Variants in ITCH observed in about 807,000 individuals in gnomAD.
The protein encoded by ITCH is itchy E3 ubiquitin protein ligase, also known as E3 ubiquitin-protein ligase Itchy homolog.
A neutral mutation model predicts 126.8 loss-of-function variants in ITCH; 28 were observed. The observed-to-expected ratio is 0.22, with a 90% confidence interval of 0.16 to 0.30. ITCH has a LOEUF of 0.30. Ranked by LOEUF, ITCH falls within the 10% of genes least tolerant of loss-of-function variation. ITCH has a pLI of 1.00. For synonymous variants in ITCH, 342 were observed against 340.0 expected, an observed-to-expected ratio of 1.01 and a Z score of -0.06; for missense variants, 631 against 1,032.4, an observed-to-expected ratio of 0.61 and a Z score of 5.33.
At chr20:34,387,194 T>C (rs2038313872) in intron 2 of ITCH, among the ~76,000 whole-genome samples, 1 of 151,184 alleles carries the variant, frequency 6.6e-6, no homozygotes, top group Admixed American at 6.6e-5. Flanking sequence ...TCCCAGCTAC[T>C]AGGGAGGCTG....
chr20:34,495,097 CAAAAAA>C (rs71194611), intron 23 of ITCH, among the ~76,000 whole-genome samples: 1 of 110,382 alleles, frequency 9.1e-6, no homozygotes, highest in East Asian at 2.6e-4. Context: ...ACGAAAAATA[CAAAAAA>C]AAAAAAAAAA....
At chr20:34,427,117 C>G (rs1981642785) in intron 7 of ITCH, among the ~76,000 whole-genome samples, 2 of 152,170 alleles carry the variant, frequency 1.3e-5, no homozygotes, top group Non-Finnish European at 2.9e-5. Context: ...GACAACTCAT[C>G]AAGATCTTTA....
At chr20:34,408,985 G>C (rs1203159657) in intron 4 of ITCH, among the ~76,000 whole-genome samples, 193 bp downstream of exon 4, 2 of 143,090 alleles carry the variant, frequency 1.4e-5, no homozygotes, top group African/African-American at 5.2e-5. Flanking sequence ...TGTTTTTATA[G>C]TCACTCCCTT....
chr20:34,414,410 T>C (rs1158632623), intron 6 of ITCH, among the ~76,000 whole-genome samples: 1 of 131,668 alleles, frequency 7.6e-6, no homozygotes, highest in Non-Finnish European at 1.6e-5. Flanking sequence ...AGACAGAGTT[T>C]ATTGTCTGTA....
chr20:34,442,558 G>A (rs890871722), intron 10 of ITCH, among the ~76,000 whole-genome samples: 15 of 151,776 alleles, frequency 9.9e-5, no homozygotes, highest in African/African-American at 3.1e-4. Context: ...TCGCTATGTC[G>A]CCCAGGCTGG....
At chr20:34,481,447 T>C (rs1402493072) in intron 20 of ITCH, among the ~76,000 whole-genome samples, 1 of 152,238 alleles carries the variant, frequency 6.6e-6, no homozygotes, top group Non-Finnish European at 1.5e-5. Context: ...ATCACTATGC[T>C]GTATAACATG....
chr20:34,443,733 C>T (rs922620243), intron 10 of ITCH, among the ~76,000 whole-genome samples: 8 of 152,086 alleles, frequency 5.3e-5, no homozygotes, highest in African/African-American at 1.7e-4. Context: ...GCCTGAAATC[C>T]TAGCACTTTG....
At chr20:34,471,591 C>A (rs1402858066) in intron 16 of ITCH, 76 bp downstream of exon 16, 14 of 918,198 alleles carry the variant, frequency 1.5e-5, no homozygotes, top group Non-Finnish European at 2.5e-5. Flanking sequence ...TCAGTTTAAT[C>A]TGAATGGTTT....
chr20:34,379,715 C>T (rs1184657231), intron 2 of ITCH, among the ~76,000 whole-genome samples: 2 of 151,324 alleles, frequency 1.3e-5, no homozygotes, highest in East Asian at 1.9e-4. Context: ...CTGCCTCAGC[C>T]TCCCAAGTAG....
At chr20:34,418,382 CT>C (rs1980246599) in intron 6 of ITCH, among the ~76,000 whole-genome samples, 1 of 152,044 alleles carries the variant, frequency 6.6e-6, no homozygotes, top group African/African-American at 2.4e-5. Context: ...GAATATGTGA[CT>C]TCTGGTTCTT....
intron 23 of ITCH, among the ~76,000 whole-genome samples, chr20:34,498,939 C>T (rs1990060276): frequency 1.3e-5 from 2 of 151,148 alleles, no homozygotes; most frequent in African/African-American, 4.8e-5. Context: ...GTTAGAATTC[C>T]ATTGGTTCCT....
intron 11 of ITCH, 78 bp downstream of exon 11, chr20:34,445,539 T>A: frequency 6.9e-7 from 1 of 1,453,224 alleles, no homozygotes; most frequent in Non-Finnish European, 9.6e-7. Context: ...TGGAAAGCAC[T>A]AAAAAGAAGG....
chr20:34,371,839 T>C (rs2037642783), intron 2 of ITCH, among the ~76,000 whole-genome samples: 1 of 152,138 alleles, frequency 6.6e-6, no homozygotes, highest in Non-Finnish European at 1.5e-5. Flanking sequence ...CTTGGGCAGC[T>C]CACTTAAATC....
chr20:34,375,820 T>C (rs751609820), intron 2 of ITCH, among the ~76,000 whole-genome samples: 13 of 149,014 alleles, frequency 8.7e-5, no homozygotes, highest in Non-Finnish European at 1.9e-4. Context: ...TGAGACCAGC[T>C]TGAGCAACAT....
chr20:34,413,304 A>G (rs940516297), intron 5 of ITCH, among the ~76,000 whole-genome samples: 4 of 152,164 alleles, frequency 2.6e-5, no homozygotes, highest in Non-Finnish European at 5.9e-5. Flanking sequence ...TCATTTTAAA[A>G]CACATTTTTT....
chr20:34,375,965 G>A (rs2037829140), intron 2 of ITCH, among the ~76,000 whole-genome samples: 1 of 151,978 alleles, frequency 6.6e-6, no homozygotes, highest in Non-Finnish European at 1.5e-5. Flanking sequence ...TGGGGAGAGT[G>A]CAGACCATGT....
At chr20:34,382,728 C>CTATTATTATTATTATTAT (rs374784508) in intron 2 of ITCH, among the ~76,000 whole-genome samples, 19 of 139,942 alleles carry the variant, frequency 1.4e-4, no homozygotes, top group African/African-American at 4.8e-4. Flanking sequence ...TTTATTATTA[C>CTATTATTATTATTATTAT]TATTATTATT....
At chr20:34,435,950 C>A (rs552673862) in intron 7 of ITCH, among the ~76,000 whole-genome samples, 1 of 152,214 alleles carries the variant, frequency 6.6e-6, no homozygotes, top group East Asian at 1.9e-4. Flanking sequence ...TTTTAGAGTT[C>A]AAGATCTAGG....
intron 20 of ITCH, among the ~76,000 whole-genome samples, chr20:34,487,012 GTT>G (rs34815799): frequency 3.7e-5 from 4 of 107,816 alleles, no homozygotes; most frequent in Admixed American, 1.1e-4. Context: ...TATTTGTTAG[GTT>G]TTTTTTTTTT....
Sources: allele counts gnomAD v4.1 joint callset (sites outside exome capture counted in the v4.1 genomes callset), GRCh38; gene constraint gnomAD v4.1.1; transcripts MANE v1.5; gene names NCBI Gene and HGNC (gene_info 2026-07-23, HGNC 2026-07-21).